Variants in RPRD1A observed in about 807,000 individuals in gnomAD.
RPRD1A encodes regulation of nuclear pre-mRNA domain-containing protein 1A.
RPRD1A carries 9 observed loss-of-function variants against 37.8 expected under a neutral mutation model. That is an observed-to-expected ratio of 0.24 (90% confidence interval 0.14 to 0.42). The LOEUF (loss-of-function observed/expected upper bound fraction) is 0.42, where lower values mean the gene tolerates loss of function less well. RPRD1A is among the 10% of genes least tolerant of loss of function. RPRD1A has a pLI of 1.00. For synonymous variants in RPRD1A, 138 were observed against 139.7 expected (o/e 0.99, Z 0.08); for missense variants, 255 against 371.0 (o/e 0.69, Z 2.57).
At chr18:36,006,895 CAG>C (rs1335779769) in intron 6 of RPRD1A, among the ~76,000 whole-genome samples, 1 of 152,188 alleles carries the variant, frequency 6.6e-6, no homozygotes, top group East Asian at 1.9e-4. Flanking sequence ...CATTCTAAGA[CAG>C]AGAGTCGAGG....
chr18:36,017,773 G>C lies in RPRD1A; in HGVS notation c.789+9127C>G, dbSNP rs571786236. Among the ~76,000 whole-genome samples, 4 of 152,314 alleles carry C rather than the reference G, an allele frequency of 2.6e-5. No homozygotes were observed. The South Asian group carries it at 8.3e-4, about 32-fold the overall frequency. On this transcript the variant is annotated intron_variant, in intron 6 of 6. Coordinates refer to ENST00000399022, the MANE Select transcript of RPRD1A (RefSeq NM_018170.5). The stretch of plus-strand genomic sequence containing the variant: ...GTGAACAGGCACAAAGGGCAATAGA[G>C]TGTAAATTCCTCTCTGTTACATACT...
chr18:36,022,546 T>C (rs1911064806), intron 6 of RPRD1A, among the ~76,000 whole-genome samples: 1 of 152,086 alleles, frequency 6.6e-6, no homozygotes, highest in Admixed American at 6.5e-5. Flanking sequence ...AATTCTAGAG[T>C]CCTTAAGAAT....
At chr18:36,038,709 A>T (rs547292035) in intron 1 of RPRD1A, among the ~76,000 whole-genome samples, 2 of 152,332 alleles carry the variant, frequency 1.3e-5, no homozygotes, top group African/African-American at 4.8e-5. Flanking sequence ...AGTTACAGGC[A>T]GTCAACATCA....
At chr18:36,011,859 A>G (rs1036681640) in intron 6 of RPRD1A, among the ~76,000 whole-genome samples, 2 of 152,228 alleles carry the variant, frequency 1.3e-5, no homozygotes, top group East Asian at 3.8e-4. Flanking sequence ...TTCACCTTCC[A>G]TGATTTCAGT....
At chr18:36,006,991 T>G (rs1285468709) in intron 6 of RPRD1A, among the ~76,000 whole-genome samples, 1 of 152,226 alleles carries the variant, frequency 6.6e-6, no homozygotes, top group Non-Finnish European at 1.5e-5. Flanking sequence ...CTGTATTATG[T>G]GTTCCTGTCT....
rs201194752 is a variant in RPRD1A at position 36,008,575 on chromosome 18, G to GTATATATATATATATATA, written c.790-15276_790-15275insTATATATATATATATATA. ...TGGGCGACACAGCAAGACCTTGTGT[G>GTATATATATATATATATA]TGTATATATATATATCTTTAAAAAT... is the stretch of plus-strand genomic sequence containing the variant. On this transcript the variant is annotated intron_variant, in intron 6 of 6. Transcript: ENST00000399022. Among the ~76,000 whole-genome samples, 353 of 42,356 alleles carry GTATATATATATATATATA rather than the reference G, an allele frequency of 8.3e-3. 15 individuals are homozygous for GTATATATATATATATATA. Among genetic ancestry groups the GTATATATATATATATATA allele is most frequent in the South Asian group, 0.013 (16 of 1,208 alleles). The allele number at this position is 42,356 out of a possible 152,430, so 27.8% of individuals were successfully genotyped here.
At chr18:36,032,567 G>C (rs1250474067) in intron 2 of RPRD1A, among the ~76,000 whole-genome samples, 1 of 152,136 alleles carries the variant, frequency 6.6e-6, no homozygotes, top group Non-Finnish European at 1.5e-5. Flanking sequence ...CTGCAACTCT[G>C]TCGAGTTTTC....
Position 36,024,148 on chromosome 18 carries a change from T to C in RPRD1A, c.789+2752A>G, listed in dbSNP as rs532751323. Among the ~76,000 whole-genome samples, 67 of 151,666 alleles carry C rather than the reference T, an allele frequency of 4.4e-4. 1 individual carries two copies. In the South Asian group the frequency reaches 0.013, roughly 29 times the overall value. ...TTTTAACAGTTATCTCGTGTGTGTG[T>C]GTGCACGCGCACGCGCGTGATGGAG... On this transcript the variant is annotated intron_variant, in intron 6 of 6. Transcript: ENST00000399022.
intron 1 of RPRD1A, among the ~76,000 whole-genome samples, chr18:36,052,080 A>T (rs72884936): frequency 1.3e-5 from 2 of 151,932 alleles, no homozygotes; most frequent in Non-Finnish European, 2.9e-5. Flanking sequence ...AAGGAGTCTC[A>T]GTAAGATTAA....
In RPRD1A at chr18:36,015,921, T is replaced by C. The variant is rs1028674000; in HGVS notation, c.789+10979A>G. Among the ~76,000 whole-genome samples the C allele has an allele frequency of 1.1e-4, 16 of 152,220 alleles. 1 individual carries two copies. Among genetic ancestry groups the C allele is most frequent in the African/African-American group, 3.9e-4 (16 of 41,458 alleles). On this transcript the variant is annotated intron_variant, in intron 6 of 6. Transcript: ENST00000399022. Reference sequence around the variant, plus strand: ...GAATATAGTTAACACTAGTGACCTATATACATTTAAAAATGCTTAATATGG... The same window carrying C: ...GAATATAGTTAACACTAGTGACCTACATACATTTAAAAATGCTTAATATGG...
intron 1 of RPRD1A, among the ~76,000 whole-genome samples, chr18:36,052,582 A>C (rs1413898214): frequency 1.3e-5 from 2 of 152,088 alleles, no homozygotes; most frequent in Non-Finnish European, 2.9e-5. Flanking sequence ...TATTGAAGAT[A>C]AGTTGGTATC....
intron 6 of RPRD1A, among the ~76,000 whole-genome samples, chr18:36,024,127 AAC>A (rs1160550432): frequency 1.3e-5 from 2 of 151,944 alleles, no homozygotes; most frequent in South Asian, 2.1e-4. Flanking sequence ...AGTCTATTTT[AAC>A]AGTTATCTCG....
At chr18:36,008,107 A>G (rs544691242) in intron 6 of RPRD1A, among the ~76,000 whole-genome samples, 3 of 151,964 alleles carry the variant, frequency 2.0e-5, no homozygotes, top group Non-Finnish European at 4.4e-5. Flanking sequence ...AAAATAACCT[A>G]AACTTCCCAA....
intron 6 of RPRD1A, among the ~76,000 whole-genome samples, chr18:36,016,448 C>G (rs1408785596): frequency 6.6e-6 from 1 of 152,170 alleles, no homozygotes; most frequent in Non-Finnish European, 1.5e-5. Context: ...GTCTTGAACT[C>G]CTGACCTCAG....
chr18:36,041,777 A>G (rs2144339530), intron 1 of RPRD1A, among the ~76,000 whole-genome samples: 1 of 152,376 alleles, frequency 6.6e-6, no homozygotes, highest in Middle Eastern at 3.4e-3. Flanking sequence ...CATCTTTGCC[A>G]CAGAAAGCAT....
Position 36,004,477 on chromosome 18 carries a change from ACTC to A in RPRD1A, c.790-11180_790-11178del, listed in dbSNP as rs1909616766. Among the ~76,000 whole-genome samples the A allele has an allele frequency of 2.0e-5, 3 of 150,686 alleles. No individual in the cohort carries two copies. In the South Asian group the frequency reaches 6.3e-4, roughly 32 times the overall value. On this transcript the variant is annotated intron_variant, in intron 6 of 6. Transcript: ENST00000399022. ...GCTATGTTGCCCAGGCTGGTTTTGAACTCCTGGTCTCAAGCAATCCTCCCACCT... is the reference window on the plus strand; with the variant it reads ...GCTATGTTGCCCAGGCTGGTTTTGAACTGGTCTCAAGCAATCCTCCCACCT...
chr18:36,026,644 G>T, intron 6 of RPRD1A: 1 of 340,550 alleles, frequency 2.9e-6, no homozygotes, highest in Non-Finnish European at 5.3e-6. Flanking sequence ...ATAAATTATA[G>T]TTGCATGGAA....
intron 1 of RPRD1A, among the ~76,000 whole-genome samples, chr18:36,066,627 A>G (rs182876825): frequency 8.5e-4 from 129 of 152,368 alleles, no homozygotes; most frequent in African/African-American, 3.0e-3. Flanking sequence ...AAGACACTGC[A>G]TTAGGGCATA....
intron 2 of RPRD1A, among the ~76,000 whole-genome samples, chr18:36,031,932 T>C (rs371217146): frequency 6.6e-6 from 1 of 152,232 alleles, no homozygotes. Context: ...TAATACCTAG[T>C]ACCATACAAA....
Sources: gnomAD v4.1 joint callset for allele counts (sites outside exome capture counted in the v4.1 genomes callset) on GRCh38, gnomAD v4.1.1 for gene constraint, MANE v1.5 for transcripts, NCBI Gene and HGNC (gene_info 2026-07-23, HGNC 2026-07-21) for gene names.